The following MSRA variants were observed in gnomAD, a reference collection of about 807,000 sequenced individuals.
MSRA encodes the protein methionine sulfoxide reductase A.
Under a neutral mutation model 31.3 loss-of-function variants are expected in MSRA, and 54 were observed. That is an observed-to-expected ratio of 1.73 (90% confidence interval 1.39 to 2.17). The LOEUF (loss-of-function observed/expected upper bound fraction) is 2.17. Ranked by LOEUF, MSRA falls within the 30% of genes most tolerant of loss-of-function variation. The pLI is 0.00. For missense variants in MSRA, 507 were observed against 300.9 expected, an observed-to-expected ratio of 1.69 and a Z score of -5.07; for synonymous variants, 169 against 116.5, an observed-to-expected ratio of 1.45 and a Z score of -2.90.
chr8:10,417,242 C>T (rs1461140192), intron 5 of MSRA, among the ~76,000 whole-genome samples: 1 of 152,116 alleles, frequency 6.6e-6, no homozygotes, highest in African/African-American at 2.4e-5. Context: ...GGCTTCAGCC[C>T]CTTTGAACGC....
intron 2 of MSRA, among the ~76,000 whole-genome samples, chr8:10,210,168 A>G (rs1306294365): frequency 6.6e-6 from 1 of 152,082 alleles, no homozygotes; most frequent in African/African-American, 2.4e-5. Context: ...TTTGGGATAC[A>G]TTGGGCATTT....
At chr8:10,322,905 C>G (rs1028890427) in intron 5 of MSRA, among the ~76,000 whole-genome samples, 2 of 152,052 alleles carry the variant, frequency 1.3e-5, no homozygotes, top group Non-Finnish European at 2.9e-5. Flanking sequence ...GCCTGACTAA[C>G]ATGGTGAAAC....
chr8:10,416,272 C>G (rs1376381834), intron 5 of MSRA, among the ~76,000 whole-genome samples: 2 of 152,246 alleles, frequency 1.3e-5, no homozygotes, highest in Non-Finnish European at 2.9e-5. Flanking sequence ...TGTCGAGATT[C>G]ATTCATGAAG....
intron 3 of MSRA, among the ~76,000 whole-genome samples, chr8:10,274,606 A>G (rs1244637905): frequency 1.3e-5 from 2 of 152,206 alleles, no homozygotes; most frequent in Admixed American, 1.3e-4. Context: ...TGCTGTATAT[A>G]TAGAGGTCAG....
chr8:10,247,933 G>A (rs924739683), intron 3 of MSRA, among the ~76,000 whole-genome samples: 1 of 152,116 alleles, frequency 6.6e-6, no homozygotes, highest in Non-Finnish European at 1.5e-5. Flanking sequence ...AGTAATTATG[G>A]TAACTAGCTA....
At chr8:10,124,657 A>G (rs917253787) in intron 1 of MSRA, among the ~76,000 whole-genome samples, 11 of 152,362 alleles carry the variant, frequency 7.2e-5, no homozygotes, top group South Asian at 4.1e-4. Flanking sequence ...CATCATTGCA[A>G]TTATAGTATG....
At chr8:10,325,704 A>C (rs1802323280) in intron 5 of MSRA, among the ~76,000 whole-genome samples, 3 of 152,214 alleles carry the variant, frequency 2.0e-5, no homozygotes, top group South Asian at 4.1e-4. Context: ...TCAGTGCTTT[A>C]GCCTTTACCT....
At chr8:10,241,138 C>T (rs1812378135) in intron 2 of MSRA, among the ~76,000 whole-genome samples, 1 of 152,154 alleles carries the variant, frequency 6.6e-6, no homozygotes, top group Admixed American at 6.5e-5. Flanking sequence ...CCTAGTGCTC[C>T]ATGGCTGCCA....
At chr8:10,267,615 T>C (rs998767665) in intron 3 of MSRA, among the ~76,000 whole-genome samples, 1 of 152,024 alleles carries the variant, frequency 6.6e-6, no homozygotes, top group Admixed American at 6.5e-5. Flanking sequence ...AGCCCAGAAG[T>C]GTGCTTGCTT....
intron 5 of MSRA, among the ~76,000 whole-genome samples, chr8:10,423,451 A>G (rs1473593993): frequency 6.8e-6 from 1 of 146,134 alleles, no homozygotes; most frequent in Admixed American, 6.8e-5. Flanking sequence ...GCATGCACCC[A>G]TGCCGGCACC....
At chr8:10,129,243 G>T (rs1395725211) in intron 1 of MSRA, among the ~76,000 whole-genome samples, 5 of 152,212 alleles carry the variant, frequency 3.3e-5, no homozygotes, top group South Asian at 4.2e-4. Context: ...TATTCTGCAT[G>T]ACTATCATTG....
intron 1 of MSRA, among the ~76,000 whole-genome samples, chr8:10,084,722 G>C (rs921457215): frequency 1.3e-5 from 2 of 152,186 alleles, no homozygotes; most frequent in African/African-American, 4.8e-5. Context: ...GAAGCGTTTA[G>C]AACACTGTGT....
chr8:10,351,718 T>C (rs765878000), intron 5 of MSRA, among the ~76,000 whole-genome samples: 1 of 152,202 alleles, frequency 6.6e-6, no homozygotes, highest in Non-Finnish European at 1.5e-5. Context: ...GATTCAAAGA[T>C]GGTTATCCAC....
chr8:10,224,649 C>T (rs1044930974), intron 2 of MSRA, among the ~76,000 whole-genome samples: 1 of 152,118 alleles, frequency 6.6e-6, no homozygotes, highest in Non-Finnish European at 1.5e-5. Flanking sequence ...TACTGACAGT[C>T]CCTGGATTCA....
intron 3 of MSRA, among the ~76,000 whole-genome samples, chr8:10,248,658 A>G (rs1394999156): frequency 6.6e-6 from 1 of 152,218 alleles, no homozygotes; most frequent in East Asian, 1.9e-4. Context: ...GGAAATTGAT[A>G]GGCCAGTGAC....
chr8:10,390,795 G>A (rs1408341381), intron 5 of MSRA, among the ~76,000 whole-genome samples: 1 of 152,058 alleles, frequency 6.6e-6, no homozygotes. Context: ...ACAGCACAAG[G>A]AAACCCTGTC....
intron 5 of MSRA, among the ~76,000 whole-genome samples, chr8:10,357,158 G>A (rs541719303): frequency 1.3e-5 from 2 of 152,152 alleles, no homozygotes; most frequent in South Asian, 2.1e-4. Context: ...TCCTTTTCAC[G>A]TTAACAGCCA....
chr8:10,276,335 G>T (rs896654367), intron 3 of MSRA, among the ~76,000 whole-genome samples: 1 of 152,186 alleles, frequency 6.6e-6, no homozygotes. Flanking sequence ...GGGCTGCCTT[G>T]TAATTGTTAC....
At chr8:10,196,072 A>G (rs373054347) in intron 1 of MSRA, among the ~76,000 whole-genome samples, 186 of 152,320 alleles carry the variant, frequency 1.2e-3, no homozygotes, top group African/African-American at 4.0e-3. Context: ...TGGGGGAGCC[A>G]CTGGACCACT....
Sources: gnomAD v4.1 joint callset for allele counts (sites outside exome capture counted in the v4.1 genomes callset) on GRCh38, gnomAD v4.1.1 for gene constraint, MANE v1.5 for transcripts, NCBI Gene and HGNC (gene_info 2026-07-23, HGNC 2026-07-21) for gene names.